The following PRKN variants were observed in gnomAD, a reference collection of about 807,000 sequenced individuals.
The protein encoded by PRKN is E3 ubiquitin-protein ligase parkin.
In PRKN, 56 loss-of-function variants were observed where a neutral mutation model predicts 59.5. The observed-to-expected ratio is 0.94, with a 90% CI of 0.76 to 1.18. PRKN has a LOEUF of 1.18. Among genes scored for constraint, PRKN ranks in the 50% most tolerant of loss-of-function variants. The pLI is 0.00. For missense variants in PRKN, 657 were observed against 596.4 expected (o/e 1.10, Z -1.06); for synonymous variants, 250 against 222.1 (o/e 1.13, Z -1.12).
Position 162,507,237 on chromosome 6 carries a change from G to A in PRKN, c.8-63764C>T, listed in dbSNP as rs147439240. Among the ~76,000 whole-genome samples the A allele has an allele frequency of 1.7e-4, 26 of 151,970 alleles. No homozygotes were observed. The South Asian group carries it at 2.5e-3, about 15-fold the overall frequency. On this transcript the variant is annotated intron_variant, in intron 1 of 11. Transcript: ENST00000366898. ...AACTATTCTCATTTCCACTATGCTGGCTCCCTAAGACTCATTCTCCCTAGA... is the reference window on the plus strand; with the variant it reads ...AACTATTCTCATTTCCACTATGCTGACTCCCTAAGACTCATTCTCCCTAGA...
intron 9 of PRKN, among the ~76,000 whole-genome samples, chr6:161,521,959 G>T (rs1264930204): frequency 6.6e-6 from 1 of 152,154 alleles, no homozygotes; most frequent in Non-Finnish European, 1.5e-5. Context: ...CATCAGAACA[G>T]AGATGCAAAC....
intron 5 of PRKN, among the ~76,000 whole-genome samples, chr6:161,975,415 GATTA>G (rs1454612702): frequency 6.6e-6 from 1 of 152,098 alleles, no homozygotes; most frequent in African/African-American, 2.4e-5. Flanking sequence ...AAAAACAATA[GATTA>G]ATCAACGCTA....
rs1001391284 is a variant in PRKN, at chr6:161,458,389, G to A, written c.1084-71512C>T. On this transcript the variant is annotated intron_variant, in intron 9 of 11. Transcript: ENST00000366898. This position sits in a 1 kb window ranked among gnomAD's most constrained non-coding sequence, Gnocchi z 6.1. ...GTGATCGACCATAAGTGCAGCTGATGCAAACCTGGAAGCCGTTATCACAGC... is the reference window on the plus strand; with the variant it reads ...GTGATCGACCATAAGTGCAGCTGATACAAACCTGGAAGCCGTTATCACAGC... 2.0e-4 allele frequency among the ~76,000 whole-genome samples: 30 copies of A among 152,156 alleles called. No individual in the cohort carries two copies. The highest frequency in any genetic ancestry group is 9.6e-4 in the East Asian group (5 of 5,186).
intron 2 of PRKN, among the ~76,000 whole-genome samples, chr6:162,307,907 G>A (rs1782305363): frequency 6.6e-6 from 1 of 152,206 alleles, no homozygotes; most frequent in Non-Finnish European, 1.5e-5. Context: ...ATACAGACAA[G>A]AATGATGACC....
rs571657339 is a variant in PRKN at position 161,841,922 on chromosome 6, A to G, written c.735-56014T>C. On this transcript the variant is annotated intron_variant, in intron 6 of 11. Transcript: ENST00000366898. ...GACTACAAATCCCCAATTTTTCCTT[A>G]TTGTATTTGGAGTTGAGTCCAATCT... 1.4e-4 allele frequency among the ~76,000 whole-genome samples: 21 copies of G among 152,144 alleles called. 1 individual carries two copies. In the South Asian group the frequency reaches 4.2e-3, roughly 30 times the overall value.
At chr6:161,491,460 T>G (rs1417442463) in intron 9 of PRKN, among the ~76,000 whole-genome samples, 2 of 152,142 alleles carry the variant, frequency 1.3e-5, no homozygotes, top group African/African-American at 4.8e-5. Context: ...TAATGTGAGT[T>G]GGAATCTTGG....
Position 162,187,913 on chromosome 6 carries a change from C to T in PRKN, c.534+13218G>A, listed in dbSNP as rs559682276. 5.9e-5 allele frequency among the ~76,000 whole-genome samples: 9 copies of T among 152,214 alleles called. No individual in the cohort carries two copies. In the South Asian group the frequency reaches 8.3e-4, roughly 14 times the overall value. ...TTAATATGGTTTGGCTGTGTCCCCACCCAAATCTCATCTTAAATTGTAACT... is the reference window on the plus strand; with the variant it reads ...TTAATATGGTTTGGCTGTGTCCCCATCCAAATCTCATCTTAAATTGTAACT... On this transcript the variant is annotated intron_variant, in intron 4 of 11. Coordinates refer to ENST00000366898, the MANE Select transcript of PRKN (RefSeq NM_004562.3).
chr6:162,176,186 G>A (rs1783524058), intron 4 of PRKN, among the ~76,000 whole-genome samples: 1 of 152,088 alleles, frequency 6.6e-6, no homozygotes, highest in Non-Finnish European at 1.5e-5. Context: ...TTTGGAGAGG[G>A]GTGGAATTAG....
chr6:161,956,790 G>C (rs1023797909), intron 6 of PRKN, among the ~76,000 whole-genome samples: 2 of 152,110 alleles, frequency 1.3e-5, no homozygotes, highest in African/African-American at 4.8e-5. Flanking sequence ...GTGTGATGGA[G>C]TCATCCTATT....
At chr6:162,478,094 A>T (rs1441948354) in intron 1 of PRKN, among the ~76,000 whole-genome samples, 1 of 152,122 alleles carries the variant, frequency 6.6e-6, no homozygotes, top group Admixed American at 6.6e-5. Flanking sequence ...CCTAGTACCT[A>T]CCACAGTCTC....
At chr6:162,052,052 C>T (rs916355289) in intron 5 of PRKN, among the ~76,000 whole-genome samples, 2 of 152,174 alleles carry the variant, frequency 1.3e-5, no homozygotes, top group African/African-American at 4.8e-5. Context: ...AGATCGGGCA[C>T]GTTCAGGGTG....
At chr6:161,519,382 T>C (rs2115354227) in intron 9 of PRKN, among the ~76,000 whole-genome samples, 1 of 152,144 alleles carries the variant, frequency 6.6e-6, no homozygotes, top group Non-Finnish European at 1.5e-5. Flanking sequence ...CCAATTACTC[T>C]GCAGGATGGG....
At chr6:162,513,495 G>A (rs77490665) in intron 1 of PRKN, among the ~76,000 whole-genome samples, 91 of 84,370 alleles carry the variant, frequency 1.1e-3, no homozygotes, top group African/African-American at 2.5e-3. Context: ...AAGAAAAGAG[G>A]GAAAGAAAGA....
chr6:162,644,135 A>G (rs991152932), intron 1 of PRKN, among the ~76,000 whole-genome samples: 1 of 152,090 alleles, frequency 6.6e-6, no homozygotes, highest in African/African-American at 2.4e-5. Flanking sequence ...GAGATGCACA[A>G]GTTGCCTGGA....
chr6:161,620,020 T>G (rs555028434), intron 7 of PRKN, among the ~76,000 whole-genome samples: 14 of 132,212 alleles, frequency 1.1e-4, no homozygotes, highest in Admixed American at 2.4e-4. Flanking sequence ...GATGGAGTCT[T>G]GCTCTGTCTC....
At chr6:161,522,203 G>A (rs537291419) in intron 9 of PRKN, among the ~76,000 whole-genome samples, 9 of 152,300 alleles carry the variant, frequency 5.9e-5, no homozygotes, top group Non-Finnish European at 1.3e-4. Flanking sequence ...TAAAGTGTTT[G>A]TTGTTGTCAG....
At chr6:161,986,554 G>A (rs899478549) in intron 5 of PRKN, among the ~76,000 whole-genome samples, 1 of 150,954 alleles carries the variant, frequency 6.6e-6, no homozygotes, top group African/African-American at 2.4e-5. Context: ...GGACAACTGA[G>A]AGAGGGGAAG....
intron 5 of PRKN, among the ~76,000 whole-genome samples, chr6:162,023,616 C>T (rs1236872994): frequency 6.6e-6 from 1 of 152,142 alleles, no homozygotes; most frequent in African/African-American, 2.4e-5. Flanking sequence ...CGATGTGCTC[C>T]TCTCCATGTC....
At chr6:161,713,926 G>A (rs537164022) in intron 7 of PRKN, among the ~76,000 whole-genome samples, 1 of 152,158 alleles carries the variant, frequency 6.6e-6, no homozygotes, top group South Asian at 2.1e-4. Context: ...CAGTTCCCCT[G>A]CACACGCTCT....
Sources: allele counts gnomAD v4.1 joint callset (sites outside exome capture counted in the v4.1 genomes callset), GRCh38; gene constraint gnomAD v4.1.1; non-coding constraint Gnocchi (gnomAD v3.1); transcripts MANE v1.5; gene names NCBI Gene and HGNC (gene_info 2026-07-23, HGNC 2026-07-21).